Variants in ZMAT4 observed in about 807,000 individuals in gnomAD.
ZMAT4 encodes the protein zinc finger matrin-type protein 4.
In ZMAT4, 17 loss-of-function variants were observed where a neutral mutation model predicts 28.7. The ratio of observed to expected loss-of-function variants is 0.59; its 90% CI spans 0.41 to 0.89. ZMAT4 has a LOEUF of 0.89. Ranked by LOEUF, ZMAT4 falls within the 40% of genes least tolerant of loss-of-function variation. The pLI is 0.00. For missense variants in ZMAT4, 240 were observed against 283.8 expected, an observed-to-expected ratio of 0.85 and a Z score of 1.11; for synonymous variants, 117 against 109.2, an observed-to-expected ratio of 1.07 and a Z score of -0.44.
chr8:40,872,990 A>G (rs1203797063), intron 1 of ZMAT4, among the ~76,000 whole-genome samples: 1 of 152,178 alleles, frequency 6.6e-6, no homozygotes, highest in Non-Finnish European at 1.5e-5. Context: ...AGGATTCTAA[A>G]TAATCAGGGC....
chr8:40,741,710 G>A (rs1401012436), intron 3 of ZMAT4, among the ~76,000 whole-genome samples: 1 of 152,172 alleles, frequency 6.6e-6, no homozygotes, highest in East Asian at 1.9e-4. Flanking sequence ...CAAAGGCTGT[G>A]AAATGTGCAT....
intron 6 of ZMAT4, among the ~76,000 whole-genome samples, chr8:40,558,554 C>T (rs893769401): frequency 6.6e-6 from 1 of 152,036 alleles, no homozygotes; most frequent in Non-Finnish European, 1.5e-5. Context: ...TTCAAGATTT[C>T]TGCCTTGAGA....
Position 40,531,498 on chromosome 8 carries a change from T to C in ZMAT4, c.*725A>G, listed in dbSNP as rs899860588. The C allele has an allele frequency of 2.6e-5, 4 of 152,570 alleles. No individual in the cohort carries two copies. Among genetic ancestry groups the C allele is most frequent in the African/African-American group, 9.7e-5 (4 of 41,444 alleles). The allele number at this position is 152,570 out of a possible 1,614,324, so 9.5% of individuals were successfully genotyped here. On this transcript the variant is annotated 3_prime_UTR_variant, in exon 7 of 7. Coordinates refer to ENST00000297737, the MANE Select transcript of ZMAT4 (RefSeq NM_024645.3). ...ACCAAGGTCAAGGGCTGTGAAGACG[T>C]TTTTGCCTAAGAAGATCATCATGCA...
At chr8:40,549,161 T>A (rs1803291396) in intron 6 of ZMAT4, among the ~76,000 whole-genome samples, 1 of 152,134 alleles carries the variant, frequency 6.6e-6, no homozygotes, top group African/African-American at 2.4e-5. Flanking sequence ...CTATAAGGAA[T>A]GGGCCCTCAC....
chr8:40,625,877 C>T (rs1178268269), intron 5 of ZMAT4, among the ~76,000 whole-genome samples: 1 of 151,954 alleles, frequency 6.6e-6, no homozygotes, highest in East Asian at 1.9e-4. Flanking sequence ...TTTGGGAGGC[C>T]AAGGCAGGTG....
intron 3 of ZMAT4, among the ~76,000 whole-genome samples, chr8:40,725,549 T>C (rs1019293953): frequency 6.6e-6 from 1 of 152,202 alleles, no homozygotes; most frequent in African/African-American, 2.4e-5. Context: ...TAGTCTAAGA[T>C]GCATGTGCTT....
chr8:40,799,220 TGG>T (rs1563492092), intron 2 of ZMAT4, among the ~76,000 whole-genome samples: 144 of 137,934 alleles, frequency 1.0e-3, no homozygotes, highest in African/African-American at 3.6e-3. Context: ...GATGGATGGA[TGG>T]ATGGATAGAT....
intron 5 of ZMAT4, among the ~76,000 whole-genome samples, chr8:40,617,868 G>A (rs1020476718): frequency 6.6e-6 from 1 of 152,184 alleles, no homozygotes; most frequent in Non-Finnish European, 1.5e-5. Flanking sequence ...GGCAGCCCAA[G>A]ATACATGCAA....
intron 3 of ZMAT4, among the ~76,000 whole-genome samples, chr8:40,756,430 A>G (rs956251364): frequency 2.0e-4 from 22 of 107,862 alleles, no homozygotes; most frequent in Admixed American, 6.7e-4. Context: ...GTTCTTTTAT[A>G]TATATATATA....
intron 5 of ZMAT4, among the ~76,000 whole-genome samples, chr8:40,605,167 G>T (rs1206161497): frequency 6.6e-6 from 1 of 151,992 alleles, no homozygotes; most frequent in Non-Finnish European, 1.5e-5. Flanking sequence ...TTTTCCGTTT[G>T]TTTCAATTTC....
At chr8:40,894,601 T>C (rs1227972989) in intron 1 of ZMAT4, among the ~76,000 whole-genome samples, 5 of 152,016 alleles carry the variant, frequency 3.3e-5, no homozygotes. Context: ...AGAGGGAAAA[T>C]AGCAGAGTGT....
chr8:40,598,727 A>G (rs765245620), intron 5 of ZMAT4, among the ~76,000 whole-genome samples: 17 of 152,192 alleles, frequency 1.1e-4, no homozygotes, highest in Admixed American at 4.6e-4. Context: ...TTGGAATTCT[A>G]TGTCAACATG....
At chr8:40,637,207 G>A (rs1806827216) in intron 5 of ZMAT4, among the ~76,000 whole-genome samples, 1 of 151,858 alleles carries the variant, frequency 6.6e-6, no homozygotes, top group African/African-American at 2.4e-5. Flanking sequence ...TTAGAGAAGT[G>A]GTCCGAGGGA....
intron 1 of ZMAT4, among the ~76,000 whole-genome samples, chr8:40,856,499 G>A (rs1175674755): frequency 6.6e-6 from 1 of 152,200 alleles, no homozygotes; most frequent in African/African-American, 2.4e-5. Context: ...GAGCTAATGT[G>A]AGAAAAGTAG....
At chr8:40,689,138 G>A (rs1014772877) in intron 4 of ZMAT4, among the ~76,000 whole-genome samples, 2 of 152,206 alleles carry the variant, frequency 1.3e-5, no homozygotes, top group African/African-American at 4.8e-5. Context: ...AGGTTGAAAC[G>A]GAGGAGACTT....
At chr8:40,723,549 A>AAG (rs1811195566) in intron 3 of ZMAT4, among the ~76,000 whole-genome samples, 1 of 149,428 alleles carries the variant, frequency 6.7e-6, no homozygotes, top group Non-Finnish European at 1.5e-5. Flanking sequence ...TCTCAAAAAA[A>AAG]AAAAAAAAAA....
At chr8:40,833,371 C>T (rs1816355236) in intron 1 of ZMAT4, among the ~76,000 whole-genome samples, 2 of 151,778 alleles carry the variant, frequency 1.3e-5, no homozygotes, top group Admixed American at 6.6e-5. Flanking sequence ...AGTTCGAGAC[C>T]AGCCTGATCA....
intron 4 of ZMAT4, among the ~76,000 whole-genome samples, chr8:40,681,107 ACCCACTAGTGTAGAGTC>A (rs1809144478): frequency 6.6e-6 from 1 of 152,166 alleles, no homozygotes; most frequent in South Asian, 2.1e-4. Context: ...AGGGAGATGA[ACCCACTAGTGTAGAGTC>A]CCTTGATTAA....
chr8:40,627,277 C>A (rs1806411960), intron 5 of ZMAT4, among the ~76,000 whole-genome samples: 1 of 152,122 alleles, frequency 6.6e-6, no homozygotes, highest in Non-Finnish European at 1.5e-5. Context: ...AATGTATCAT[C>A]ACATTATATA....
Sources: allele counts gnomAD v4.1 joint callset (sites outside exome capture counted in the v4.1 genomes callset), GRCh38; gene constraint gnomAD v4.1.1; transcripts MANE v1.5; gene names NCBI Gene and HGNC (gene_info 2026-07-23, HGNC 2026-07-21).